The following GSTT4 variants were observed in gnomAD, a reference collection of about 807,000 sequenced individuals.
GSTT4 encodes the protein glutathione S-transferase theta 4, also known as glutathione S-transferase theta-4.
chr22:23,991,706 C>T, the GSTT4 span, among the ~76,000 whole-genome samples: 2 of 142,378 alleles, frequency 1.4e-5, no homozygotes, highest in African/African-American at 5.1e-5. Context: ...GGCGTGTCTG[C>T]TCTCTCACCA....
At chr22:23,996,970 T>C (rs2034122842), downstream of GSTT4, among the ~76,000 whole-genome samples, 1 of 152,062 alleles carries the variant, frequency 6.6e-6, no homozygotes, top group Non-Finnish European at 1.5e-5. Context: ...GGGCTTTTCT[T>C]TGTGGAATTT....
chr22:23,997,083 T>A (rs1418036248), downstream of GSTT4, among the ~76,000 whole-genome samples: 1 of 152,114 alleles, frequency 6.6e-6, no homozygotes, highest in Non-Finnish European at 1.5e-5. Flanking sequence ...TTCTAAAATT[T>A]TCCCATTTCA....
downstream of GSTT4, among the ~76,000 whole-genome samples, chr22:23,994,016 C>A (rs1227208210): frequency 1.3e-5 from 2 of 152,208 alleles, no homozygotes; most frequent in African/African-American, 4.8e-5. Context: ...ATAGGCTAGG[C>A]TGTGGGGCTG....
downstream of GSTT4, among the ~76,000 whole-genome samples, chr22:23,995,621 T>C (rs1273624977): frequency 6.6e-6 from 1 of 152,166 alleles, no homozygotes; most frequent in Non-Finnish European, 1.5e-5. Flanking sequence ...TTTGGTGGCA[T>C]GTCCATGTCT....
At chr22:23,997,014 GT>G (rs372405274), downstream of GSTT4, among the ~76,000 whole-genome samples, 13 of 149,150 alleles carry the variant, frequency 8.7e-5, no homozygotes, top group South Asian at 1.9e-3. Context: ...CTCTTTATTT[GT>G]TACAGGCCTA....
intron 3 of GSTT4, among the ~76,000 whole-genome samples, chr22:24,000,964 G>A (rs1475398110): frequency 2.0e-5 from 2 of 102,004 alleles, no homozygotes; most frequent in African/African-American, 4.4e-5. Flanking sequence ...CCTTCCCCTC[G>A]CCCTAATAAG....
the GSTT4 span, among the ~76,000 whole-genome samples, chr22:23,992,416 C>A: frequency 0.046 from 6,745 of 147,050 alleles, no homozygotes; most frequent in East Asian, 0.27. Flanking sequence ...CTCAAATCCA[C>A]CTTCCCGAAA....
At chr22:23,990,278 A>G in the GSTT4 span, among the ~76,000 whole-genome samples, 1 of 149,052 alleles carries the variant, frequency 6.7e-6, no homozygotes, top group Non-Finnish European at 1.5e-5. Flanking sequence ...TGCAGGAAAA[A>G]GAAAAGGCAG....
chr22:23,991,067 A>G, the GSTT4 span, among the ~76,000 whole-genome samples: 2 of 90,178 alleles, frequency 2.2e-5, 1 homozygote, highest in Non-Finnish European at 5.2e-5. Context: ...AGTCCCAGCT[A>G]CTTGAGGGGC....
downstream of GSTT4, among the ~76,000 whole-genome samples, chr22:23,993,636 C>G (rs181317291): frequency 2.2e-4 from 33 of 152,332 alleles, no homozygotes; most frequent in African/African-American, 7.9e-4. Flanking sequence ...CTCCTTCTCT[C>G]TGTGTCTGAC....
intron 3 of GSTT4, among the ~76,000 whole-genome samples, chr22:24,000,646 A>C (rs147110937): frequency 0.076 from 10,544 of 139,228 alleles, 495 homozygotes; most frequent in East Asian, 0.17. Context: ...GCCAACTCCA[A>C]CTCCTGGGTT....
downstream of GSTT4, among the ~76,000 whole-genome samples, chr22:23,995,680 C>T (rs1908129731): frequency 6.6e-6 from 1 of 152,160 alleles, no homozygotes; most frequent in Non-Finnish European, 1.5e-5. Context: ...AAGATGGGTG[C>T]TTGCTGAAGA....
At chr22:24,005,059 G>C (rs2034322647) in intron 1 of GSTT4, 186 bp downstream of exon 1, 1 of 152,238 alleles carries the variant, frequency 6.6e-6, no homozygotes, top group South Asian at 2.1e-4. Flanking sequence ...CAGCTACTTG[G>C]GAGGCTGAGG....
chr22:23,998,066 T>C (rs1258700212), downstream of GSTT4, among the ~76,000 whole-genome samples: 2 of 152,208 alleles, frequency 1.3e-5, no homozygotes, highest in African/African-American at 4.8e-5. Context: ...ATTTGAGACT[T>C]AGGACCAAAT....
chr22:24,004,938 G>A (rs2034319154), intron 1 of GSTT4: 1 of 142,500 alleles, frequency 7.0e-6, no homozygotes, highest in Admixed American at 7.1e-5. Context: ...GGAGGCTGAG[G>A]TGGGCAGATC....
intron 4 of GSTT4, 58 bp from the exon 5 acceptor site, chr22:23,998,797 C>G (rs1286460902): frequency 6.5e-6 from 1 of 154,892 alleles, no homozygotes; most frequent in Non-Finnish European, 1.5e-5. Flanking sequence ...CACCTGGGTC[C>G]TCTCCCACAG....
At chr22:23,992,343 G>A in the GSTT4 span, among the ~76,000 whole-genome samples, 1 of 144,388 alleles carries the variant, frequency 6.9e-6, no homozygotes, top group Non-Finnish European at 1.5e-5. Context: ...ACCATGACAC[G>A]AGTTTTGCAA....
At chr22:23,999,825 C>T (rs987421012) in intron 4 of GSTT4, among the ~76,000 whole-genome samples, 1 of 151,490 alleles carries the variant, frequency 6.6e-6, no homozygotes, top group African/African-American at 2.4e-5. Context: ...CCAGGCTCAC[C>T]CTCCGGGTCC....
chr22:23,995,454 T>G (rs756706330), downstream of GSTT4, among the ~76,000 whole-genome samples: 1 of 152,048 alleles, frequency 6.6e-6, no homozygotes, highest in African/African-American at 2.4e-5. Context: ...TACTTTTACT[T>G]TATCCAATCG....
Sources: gnomAD v4.1 joint callset for allele counts (sites outside exome capture counted in the v4.1 genomes callset) on GRCh38, gnomAD v4.1.1 for gene constraint, MANE v1.5 for transcripts, NCBI Gene and HGNC (gene_info 2026-07-23, HGNC 2026-07-21) for gene names.